The following VPS13C variants were observed in gnomAD, a reference collection of about 807,000 sequenced individuals.
VPS13C encodes the protein intermembrane lipid transfer protein VPS13C.
Under a neutral mutation model 456.8 loss-of-function variants are expected in VPS13C, and 358 were observed. The ratio of observed to expected loss-of-function variants is 0.78; its 90% CI spans 0.72 to 0.86. The LOEUF (loss-of-function observed/expected upper bound fraction) is 0.86. Among genes scored for constraint, VPS13C ranks in the 40% least tolerant of loss-of-function variants. The pLI, the probability that VPS13C is intolerant of heterozygous loss-of-function variation, is 0.00. For missense variants in VPS13C, 4,818 were observed against 4,385.4 expected (o/e 1.10, Z -2.79); for synonymous variants, 1,578 against 1,486.7 (o/e 1.06, Z -1.41).
chr15:61,936,835 A>T (rs1431565560), intron 47 of VPS13C, 85 bp from the exon 48 acceptor site: 1 of 1,344,032 alleles, frequency 7.4e-7, no homozygotes, highest in East Asian at 2.4e-5. Flanking sequence ...TGGTTTTTCA[A>T]ATTAATTGTT....
chr15:61,866,917 C>A (rs1454820549), intron 81 of VPS13C: 3 of 984,440 alleles, frequency 3.0e-6, no homozygotes, highest in Non-Finnish European at 3.6e-6. Flanking sequence ...ACTTTGGCTT[C>A]ATTTCTGAGG....
chr15:62,047,818 T>C (rs973808853), intron 1 of VPS13C, among the ~76,000 whole-genome samples: 1 of 152,184 alleles, frequency 6.6e-6, no homozygotes, highest in Non-Finnish European at 1.5e-5. Context: ...AGAAATCCTG[T>C]TTAAAGAAAA....
intron 8 of VPS13C, among the ~76,000 whole-genome samples, chr15:62,021,931 A>G (rs1010307198): frequency 8.6e-5 from 13 of 151,872 alleles, no homozygotes; most frequent in African/African-American, 3.1e-4. Flanking sequence ...ATAAATTATT[A>G]TATTTTCTCT....
At chr15:61,882,410 T>G (rs1895924164) in intron 69 of VPS13C, among the ~76,000 whole-genome samples, 186 bp downstream of exon 69, 4 of 152,096 alleles carry the variant, frequency 2.6e-5, no homozygotes, top group Admixed American at 2.6e-4. Context: ...TCAAAATTAG[T>G]CTTAACAGTC....
intron 35 of VPS13C, among the ~76,000 whole-genome samples, chr15:61,960,586 C>T (rs2045162019): frequency 6.6e-6 from 1 of 151,898 alleles, no homozygotes; most frequent in African/African-American, 2.4e-5. Context: ...TATTTAGGGA[C>T]AAAAAGTTAA....
chr15:61,875,836 G>C lies in VPS13C; in HGVS notation c.10234C>G (p.Gln3412Glu). Residue 3412 changes from glutamine (Q) to glutamate (E), a missense_variant, in exon 76 of 85, where the codon CAG becomes GAG. Coordinates refer to ENST00000644861, the MANE Select transcript of VPS13C (RefSeq NM_020821.3). ...VRHYSEQFLK[Q>E]MYVLVLGLDV... Reference sequence around the variant, plus strand: ...AACCCCAATACAAGGACATACATCTGTTTCAAGAACTAAAAAAGAAAAAAA... The same window carrying C: ...AACCCCAATACAAGGACATACATCTCTTTCAAGAACTAAAAAAGAAAAAAA... 2 of 1,574,528 alleles carry C rather than the reference G, an allele frequency of 1.3e-6. No homozygotes were observed. The highest frequency in any genetic ancestry group is 1.7e-6 in the Non-Finnish European group (2 of 1,167,710).
At chr15:61,921,841 A>G (rs549655366) in intron 55 of VPS13C, 106 bp downstream of exon 55, 2 of 1,099,412 alleles carry the variant, frequency 1.8e-6, no homozygotes, top group Non-Finnish European at 1.3e-6. Flanking sequence ...AGCCCTTAAA[A>G]GGGCTTCAAG....
At position 61,915,487 on chromosome 15, in the gene VPS13C, T is replaced by C. The variant is rs926871400; in HGVS notation, c.8445+146A>G. ...ACCTATTAGTTCCTAACATCCCACT[T>C]GATTACGCTTAAGTCTCCTTGAACC... On this transcript the variant is annotated intron_variant, in intron 61 of 84. Transcript: ENST00000644861. The C allele has an allele frequency of 7.7e-5, 66 of 859,252 alleles. No homozygotes were observed. In the African/African-American group the frequency reaches 1.1e-3, roughly 14 times the overall value. 53.2% of individuals were successfully genotyped at this position (859,252 alleles called of 1,614,324 possible).
intron 16 of VPS13C, among the ~76,000 whole-genome samples, chr15:61,997,483 T>C (rs1567088000): frequency 6.6e-6 from 1 of 152,126 alleles, no homozygotes; most frequent in Non-Finnish European, 1.5e-5. Context: ...CTCCACATAA[T>C]TGCCTACTCC....
intron 1 of VPS13C, 138 bp downstream of exon 1, chr15:62,060,137 C>T: frequency 2.3e-6 from 1 of 430,490 alleles, no homozygotes; most frequent in East Asian, 5.1e-5. Context: ...GCAGAGGCTC[C>T]CGCATCTAGC....
chr15:61,945,722 G>A lies in VPS13C; in HGVS notation c.5141C>T (p.Ser1714Phe). The change falls in exon 45 of 85, where the codon TCT becomes TTT. Residue 1714 changes from serine (S) to phenylalanine (F), a missense_variant. Transcript: ENST00000644861. ...ATATTTTTAAAAACTTACCAAAAGAGACATGAAGAATTTATGAACATAAAC... is the reference window on the plus strand; with the variant it reads ...ATATTTTTAAAAACTTACCAAAAGAAACATGAAGAATTTATGAACATAAAC... The part of the protein sequence containing the change: ...QIVYVHKFFM[S>F]LLNFLNNFQT... 2 of 1,582,712 alleles carry A rather than the reference G, an allele frequency of 1.3e-6. No individual in the cohort carries two copies. Among genetic ancestry groups the A allele is most frequent in the Non-Finnish European group, 1.7e-6 (2 of 1,170,270 alleles).
intron 18 of VPS13C, among the ~76,000 whole-genome samples, chr15:61,989,580 T>G (rs2046161593): frequency 6.6e-6 from 1 of 151,974 alleles, no homozygotes; most frequent in Non-Finnish European, 1.5e-5. Context: ...AAAGACAACC[T>G]AATAATGAAG....
intron 53 of VPS13C, among the ~76,000 whole-genome samples, chr15:61,924,465 T>G (rs2043776608): frequency 6.6e-6 from 1 of 152,224 alleles, no homozygotes; most frequent in Non-Finnish European, 1.5e-5. Flanking sequence ...ATATCCCCAA[T>G]GCCTTGTAAA....
intron 4 of VPS13C, 100 bp downstream of exon 4, chr15:62,034,857 C>T (rs2047935550): frequency 1.4e-6 from 1 of 739,444 alleles, no homozygotes; most frequent in Non-Finnish European, 2.1e-6. Flanking sequence ...ATTTAAATTA[C>T]CTTCTATCTT....
intron 18 of VPS13C, among the ~76,000 whole-genome samples, chr15:61,990,083 G>A (rs568818887): frequency 6.6e-6 from 1 of 152,226 alleles, no homozygotes; most frequent in East Asian, 1.9e-4. Context: ...TACATCTACT[G>A]CAACAACAGG....
chr15:61,876,250 T>C (rs1171452693), intron 75 of VPS13C, among the ~76,000 whole-genome samples: 1 of 151,948 alleles, frequency 6.6e-6, no homozygotes, highest in East Asian at 1.9e-4. Context: ...CTGGGCAACA[T>C]AGTGAGACTC....
At position 61,867,183 on chromosome 15, in the gene VPS13C, T is replaced by G. The variant is rs1189496726; in HGVS notation, c.10863+1476A>C. 1.1e-5 allele frequency: 11 copies of G among 983,568 alleles called. No individual in the cohort carries two copies. The highest frequency in any genetic ancestry group is 1.7e-5 in the African/African-American group (1 of 57,206). The allele number at this position is 983,568 out of a possible 1,614,324, so 60.9% of individuals were successfully genotyped here. ...TGCCTAATTACATGTTCAACTTCTA[T>G]CTACATTAATTAAAACTAATAATTA... On this transcript the variant is annotated intron_variant, in intron 81 of 84. Coordinates refer to ENST00000644861, the MANE Select transcript of VPS13C (RefSeq NM_020821.3). The surrounding 1 kb of genome is among the most constrained non-coding windows in gnomAD (Gnocchi z 5.0).
chr15:61,961,883 T>C lies in VPS13C; in HGVS notation c.3614A>G (p.Asn1205Ser). 2.5e-6 allele frequency: 4 copies of C among 1,610,394 alleles called. No individual in the cohort carries two copies. Among genetic ancestry groups the C allele is most frequent in the Non-Finnish European group, 3.4e-6 (4 of 1,178,404 alleles). Residue 1205 changes from asparagine to serine, a missense_variant, in exon 35 of 85, where the codon AAT becomes AGT. Around this residue, in one of 3 missense-constraint regions of VPS13C, gnomAD observed 4,552 missense variants for 4,130.6 expected, o/e 1.10. Transcript: ENST00000644861. ...KFLMSLLNFL[N>S]NFQTAKESLS... Reference sequence around the variant, plus strand: ...AGACTCTTTGGCTGTCTGGAAATTATTCAGGAAGTTCTGTGGACACAAAGC... The same window carrying C: ...AGACTCTTTGGCTGTCTGGAAATTACTCAGGAAGTTCTGTGGACACAAAGC...
intron 43 of VPS13C, among the ~76,000 whole-genome samples, 183 bp from the exon 44 acceptor site, chr15:61,946,593 A>G (rs1049395794): frequency 6.6e-6 from 1 of 151,760 alleles, no homozygotes; most frequent in African/African-American, 2.4e-5. Flanking sequence ...CCTTTAAATA[A>G]TAACTTTAAG....
Sources: gnomAD v4.1 joint callset for allele counts (sites outside exome capture counted in the v4.1 genomes callset) on GRCh38, gnomAD v4.1.1 for gene constraint, gnomAD v4.1.1 regional missense constraint, Gnocchi (gnomAD v3.1) non-coding constraint, MANE v1.5 for transcripts, NCBI Gene and HGNC (gene_info 2026-07-23, HGNC 2026-07-21) for gene names.